SVBP: variants seen among roughly 807,000 people sequenced by gnomAD.
SVBP encodes small vasohibin-binding protein.
A neutral mutation model predicts 9.2 loss-of-function variants in SVBP; 9 were observed. That is an observed-to-expected ratio of 0.98 (90% CI 0.59 to 1.71). The LOEUF (loss-of-function observed/expected upper bound fraction) is 1.71. Among genes scored for constraint, SVBP ranks in the 40% most tolerant of loss-of-function variants. SVBP has a pLI of 0.00. For synonymous variants in SVBP, 27 were observed against 23.9 expected (o/e 1.13, Z -0.37); for missense variants, 63 against 73.2 (o/e 0.86, Z 0.51).
chr1:42,816,690 A>G (rs1318303021), intron 1 of SVBP, 110 bp from the exon 2 acceptor site: 2 of 611,044 alleles, frequency 3.3e-6, no homozygotes, highest in East Asian at 6.0e-5. Flanking sequence ...CAGGTGAGGC[A>G]GAGTGGTCTG....
chr1:42,815,070 G>T (rs1201789678), intron 2 of SVBP, among the ~76,000 whole-genome samples: 1 of 152,028 alleles, frequency 6.6e-6, no homozygotes, highest in African/African-American at 2.4e-5. Flanking sequence ...CCTTTGTAGG[G>T]ACATGGATGA....
chr1:42,813,349 A>G (rs1654120607), intron 2 of SVBP: 2 of 350,384 alleles, frequency 5.7e-6, no homozygotes, highest in African/African-American at 2.1e-5. Flanking sequence ...TTGGTTCTTC[A>G]GAAAAAATAC....
At chr1:42,814,140 G>A (rs1438542571) in intron 2 of SVBP, among the ~76,000 whole-genome samples, 1 of 149,484 alleles carries the variant, frequency 6.7e-6, no homozygotes, top group Non-Finnish European at 1.5e-5. Flanking sequence ...CCAGGCTAGA[G>A]TGCAGTGGCA....
chr1:42,809,980 G>A (rs1654043177), intron 2 of SVBP, among the ~76,000 whole-genome samples: 1 of 152,128 alleles, frequency 6.6e-6, no homozygotes, highest in Admixed American at 6.6e-5. Flanking sequence ...CTGGTGGGAA[G>A]GGTGAGGTAC....
chr1:42,814,529 T>C (rs527649042), intron 2 of SVBP, among the ~76,000 whole-genome samples: 1 of 152,060 alleles, frequency 6.6e-6, no homozygotes, highest in South Asian at 2.1e-4. Flanking sequence ...GGCAGGAGAA[T>C]TGCTTGCACC....
At chr1:42,815,677 T>C (rs990102318) in intron 2 of SVBP, among the ~76,000 whole-genome samples, 2 of 152,136 alleles carry the variant, frequency 1.3e-5, no homozygotes, top group African/African-American at 4.8e-5. Context: ...TTGGCATGAA[T>C]AGTTCTAAAA....
chr1:42,807,469 A>C lies in SVBP; in HGVS notation c.146T>G (p.Leu49Arg). 1 of 1,614,060 alleles carries C rather than the reference A, an allele frequency of 6.2e-7. No homozygotes were observed. Among genetic ancestry groups the C allele is most frequent in the Non-Finnish European group, 8.5e-7 (1 of 1,179,916 alleles). ...GAACTCATCAAACTGCTGCTGCTCCAGTTCTGTCATGACTCTGTTGAGGGC... is the reference window on the plus strand; with the variant it reads ...GAACTCATCAAACTGCTGCTGCTCCCGTTCTGTCATGACTCTGTTGAGGGC... ...IYALNRVMTE[L>R]EQQQFDEFCK... Residue 49 changes from leucine to arginine, a missense_variant, in exon 3 of 3, where the codon CTG becomes CGG. Leu to Arg is a moderately radical substitution (Grantham distance 102). Transcript: ENST00000372521.
chr1:42,808,135 G>GTA (rs1653999107), intron 2 of SVBP, among the ~76,000 whole-genome samples: 1 of 35,850 alleles, frequency 2.8e-5, no homozygotes, highest in Non-Finnish European at 5.2e-5. Flanking sequence ...TGTGAATATA[G>GTA]TGTGTGTGTG....
In SVBP at chr1:42,816,545, G is replaced by A. The variant is rs1654214258; in HGVS notation, c.-1C>T. ...TTTCTTTACGTGCAGGTGGATCCAT[G>A]GCTTGACTTCTGGATATTTCTTAGG... On this transcript the variant is annotated 5_prime_UTR_variant, in exon 2 of 3. Coordinates refer to ENST00000372521, the MANE Select transcript of SVBP (RefSeq NM_199342.4). The A allele has an allele frequency of 1.2e-6, 2 of 1,605,802 alleles. No homozygotes were observed. Among genetic ancestry groups the A allele is most frequent in the East Asian group, 4.5e-5 (2 of 44,840 alleles).
At chr1:42,810,407 AAGTGCTGGGATTAC>A (rs1318377322) in intron 2 of SVBP, among the ~76,000 whole-genome samples, 1 of 152,130 alleles carries the variant, frequency 6.6e-6, no homozygotes, top group Non-Finnish European at 1.5e-5. Context: ...TGGCCTCCCA[AAGTGCTGGGATTAC>A]AGGTGTGAGC....
chr1:42,807,609 G>A (rs753672436), intron 2 of SVBP, 109 bp from the exon 3 acceptor site: 141 of 776,552 alleles, frequency 1.8e-4, no homozygotes, highest in South Asian at 4.2e-4. Flanking sequence ...CACCAGTAGT[G>A]GTAATGCAGG....
In SVBP at chr1:42,807,190, A is replaced by G. The variant is rs1184642325; in HGVS notation, c.*224T>C. The G allele has an allele frequency of 2.2e-5, 8 of 362,782 alleles. No homozygotes were observed. The highest frequency in any genetic ancestry group is 3.9e-5 in the Non-Finnish European group (8 of 204,304). The allele number at this position is 362,782 out of a possible 1,614,324, so 22.5% of individuals were successfully genotyped here. On this transcript the variant is annotated 3_prime_UTR_variant, in exon 3 of 3. Transcript: ENST00000372521. Reference sequence around the variant, plus strand: ...TTTTTAAAAAAACCCAAAAAACAAAACCACTGTCTTAGAAGAAGAAAACAA... The same window carrying G: ...TTTTTAAAAAAACCCAAAAAACAAAGCCACTGTCTTAGAAGAAGAAAACAA...
rs116450453 is a variant in SVBP at position 42,808,693 on chromosome 1, T to C, written c.115-1193A>G. ...TATATGTATGTATATATCGCATATA[T>C]ATATGAGCTATATATATATTTCAGA... On this transcript the variant is annotated intron_variant, in intron 2 of 2. Transcript: ENST00000372521. Among the ~76,000 whole-genome samples the C allele has an allele frequency of 8.3e-3, 1,249 of 151,244 alleles. 18 individuals carry two copies. Among genetic ancestry groups the C allele is most frequent in the African/African-American group, 0.029 (1,203 of 41,242 alleles).
At chr1:42,810,095 AACACACAC>A (rs35552772) in intron 2 of SVBP, among the ~76,000 whole-genome samples, 2 of 143,812 alleles carry the variant, frequency 1.4e-5, no homozygotes, top group African/African-American at 2.6e-5. Flanking sequence ...ATATACTTTT[AACACACAC>A]ACACACACAC....
intron 2 of SVBP, among the ~76,000 whole-genome samples, chr1:42,814,430 G>A (rs372983149): frequency 2.0e-5 from 3 of 151,828 alleles, no homozygotes; most frequent in Non-Finnish European, 2.9e-5. Flanking sequence ...AATATCGGCC[G>A]GGTGCAGTGG....
chr1:42,808,149 GTATATATATA>G (rs781743959), intron 2 of SVBP, among the ~76,000 whole-genome samples: 5 of 58,322 alleles, frequency 8.6e-5, no homozygotes, highest in Non-Finnish European at 9.7e-5. Context: ...GTGTGTGTGT[GTATATATATA>G]TATATATATA....
chr1:42,808,147 G>GTATATATATATA (rs1475249020), intron 2 of SVBP, among the ~76,000 whole-genome samples: 16 of 53,888 alleles, frequency 3.0e-4, no homozygotes, highest in African/African-American at 1.2e-3. Context: ...GTGTGTGTGT[G>GTATATATATATA]TGTATATATA....
chr1:42,808,139 G>GTA (rs1371619424), intron 2 of SVBP, among the ~76,000 whole-genome samples: 12 of 36,218 alleles, frequency 3.3e-4, no homozygotes, highest in African/African-American at 1.3e-3. Context: ...AATATAGTGT[G>GTA]TGTGTGTGTG....
chr1:42,816,341 C>T, intron 2 of SVBP, 90 bp downstream of exon 2: 1 of 944,522 alleles, frequency 1.1e-6, no homozygotes, highest in Admixed American at 2.0e-5. Flanking sequence ...GCAAGTATGG[C>T]TCGCTGTCAG....
Sources: gnomAD v4.1 joint callset for allele counts (sites outside exome capture counted in the v4.1 genomes callset) on GRCh38, gnomAD v4.1.1 for gene constraint, MANE v1.5 for transcripts, NCBI Gene and HGNC (gene_info 2026-07-23, HGNC 2026-07-21) for gene names.